Variants in PITPNC1 observed in about 807,000 individuals in gnomAD.
PITPNC1 encodes cytoplasmic phosphatidylinositol transfer protein 1.
PITPNC1 carries 18 observed loss-of-function variants against 44.7 expected under a neutral mutation model. That is an observed-to-expected ratio of 0.40 (90% CI 0.28 to 0.60). The LOEUF is 0.60. PITPNC1 is among the 20% of genes least tolerant of loss of function. The pLI is 0.39. For missense variants in PITPNC1, 290 were observed against 418.4 expected (o/e 0.69, Z 2.68); for synonymous variants, 141 against 149.6 (o/e 0.94, Z 0.42).
intron 4 of PITPNC1, among the ~76,000 whole-genome samples, chr17:67,570,655 G>A (rs2041041573): frequency 6.6e-6 from 1 of 152,134 alleles, no homozygotes; most frequent in African/African-American, 2.4e-5. Context: ...GGTTGCAATT[G>A]TCTCCATTTG....
At chr17:67,687,867 C>T (rs1471709781) in intron 8 of PITPNC1, among the ~76,000 whole-genome samples, 1 of 151,862 alleles carries the variant, frequency 6.6e-6, no homozygotes. Flanking sequence ...TTTTAAGTAT[C>T]GTAATCTCTC....
At chr17:67,405,860 G>A (rs1475687813) in intron 1 of PITPNC1, among the ~76,000 whole-genome samples, 1 of 152,024 alleles carries the variant, frequency 6.6e-6, no homozygotes. Flanking sequence ...TCCCGCCTTG[G>A]CCTCCCAAAG....
chr17:67,549,802 G>A (rs767708008), intron 2 of PITPNC1, among the ~76,000 whole-genome samples: 10 of 152,126 alleles, frequency 6.6e-5, no homozygotes, highest in Non-Finnish European at 1.2e-4. Context: ...CTTTAATACC[G>A]TAGGGAGACA....
chr17:67,607,566 G>A (rs1388193941), intron 5 of PITPNC1, among the ~76,000 whole-genome samples: 1 of 152,172 alleles, frequency 6.6e-6, no homozygotes. Flanking sequence ...CTACAGAGAA[G>A]TTTGTAAGAA....
intron 6 of PITPNC1, among the ~76,000 whole-genome samples, chr17:67,654,107 A>G (rs2042237843): frequency 6.6e-6 from 1 of 152,200 alleles, no homozygotes; most frequent in Non-Finnish European, 1.5e-5. Context: ...CACTTGGAAC[A>G]GAGTGTTCCT....
rs182514198 is a variant in PITPNC1, at chr17:67,571,964, C to T, written c.295-6222C>T. On this transcript the variant is annotated intron_variant, in intron 4 of 8. Transcript: ENST00000581322. ...AGGATGTGTGCACCAGTGGCTGGGACTCTGGAGGCCATCTCAGAATTCTGT... is the reference window on the plus strand; with the variant it reads ...AGGATGTGTGCACCAGTGGCTGGGATTCTGGAGGCCATCTCAGAATTCTGT... Among the ~76,000 whole-genome samples, 271 of 152,326 alleles carry T rather than the reference C, an allele frequency of 1.8e-3. 1 individual carries two copies. The highest frequency in any genetic ancestry group is 2.9e-3 in the Non-Finnish European group (199 of 68,020).
chr17:67,690,464 GA>G (rs909027796), intron 8 of PITPNC1, among the ~76,000 whole-genome samples: 1 of 113,178 alleles, frequency 8.8e-6, no homozygotes, highest in African/African-American at 3.0e-5. Context: ...AAAAAAAAAA[GA>G]AAAAGAAAAG....
intron 6 of PITPNC1, among the ~76,000 whole-genome samples, chr17:67,634,910 G>A (rs1233687440): frequency 2.0e-5 from 3 of 152,048 alleles, no homozygotes; most frequent in South Asian, 2.1e-4. Flanking sequence ...AAAATTGCCC[G>A]GGCATGGTGG....
At chr17:67,434,833 G>A (rs1241633983) in intron 1 of PITPNC1, among the ~76,000 whole-genome samples, 2 of 150,450 alleles carry the variant, frequency 1.3e-5, no homozygotes, top group African/African-American at 4.9e-5. Flanking sequence ...AAAAGGCCAG[G>A]CTAGGTGGCT....
intron 1 of PITPNC1, among the ~76,000 whole-genome samples, chr17:67,396,177 T>A (rs2038217268): frequency 6.6e-6 from 1 of 152,144 alleles, no homozygotes; most frequent in Non-Finnish European, 1.5e-5. Context: ...TTAAGGTAAT[T>A]AGGCTATTAG....
At chr17:67,668,524 A>G (rs1288836567) in intron 6 of PITPNC1, among the ~76,000 whole-genome samples, 1 of 151,884 alleles carries the variant, frequency 6.6e-6, no homozygotes, top group East Asian at 1.9e-4. Flanking sequence ...GAAGTTGGAG[A>G]CCAGCCTGGG....
chr17:67,609,284 CTT>C (rs1285540359), intron 5 of PITPNC1, among the ~76,000 whole-genome samples: 7 of 133,238 alleles, frequency 5.3e-5, no homozygotes, highest in African/African-American at 1.5e-4. Context: ...TCTTCTTCTT[CTT>C]CCTTTTTTTT....
At chr17:67,447,089 C>CAAAAAAAAAAAAAA (rs749024248) in intron 1 of PITPNC1, among the ~76,000 whole-genome samples, 1 of 35,324 alleles carries the variant, frequency 2.8e-5, no homozygotes, top group African/African-American at 1.0e-4. Context: ...GACTCTGTCT[C>CAAAAAAAAAAAAAA]AAAAAAAAAA....
intron 5 of PITPNC1, among the ~76,000 whole-genome samples, chr17:67,596,088 G>C (rs2041456308): frequency 6.6e-6 from 1 of 152,120 alleles, no homozygotes; most frequent in Non-Finnish European, 1.5e-5. Context: ...CATGAGATTG[G>C]GTTTGTTATG....
intron 1 of PITPNC1, among the ~76,000 whole-genome samples, chr17:67,442,204 C>CAT (rs10526037): frequency 0.065 from 3,471 of 53,396 alleles, 246 homozygotes; most frequent in East Asian, 0.095. Flanking sequence ...GGAAAATAAG[C>CAT]ATATATATAT....
chr17:67,654,944 A>G (rs2042247143), intron 6 of PITPNC1, among the ~76,000 whole-genome samples: 2 of 152,026 alleles, frequency 1.3e-5, no homozygotes, highest in African/African-American at 4.8e-5. Flanking sequence ...GGAGTTCTTA[A>G]CACCATTCTA....
intron 5 of PITPNC1, among the ~76,000 whole-genome samples, chr17:67,596,441 T>C (rs2041460926): frequency 6.6e-6 from 1 of 152,322 alleles, no homozygotes; most frequent in Middle Eastern, 3.4e-3. Flanking sequence ...CATTCTGCTT[T>C]GGCTAAGAGT....
chr17:67,664,643 C>A (rs1389639641), intron 6 of PITPNC1, among the ~76,000 whole-genome samples: 1 of 152,126 alleles, frequency 6.6e-6, no homozygotes, highest in Non-Finnish European at 1.5e-5. Flanking sequence ...GTGGCTTACG[C>A]CTGTAATGCC....
intron 2 of PITPNC1, among the ~76,000 whole-genome samples, chr17:67,539,518 C>A (rs12936314): frequency 6.6e-6 from 1 of 152,170 alleles, no homozygotes; most frequent in Non-Finnish European, 1.5e-5. Flanking sequence ...AAATGCACAT[C>A]GTAACGTGCA....
Sources: gnomAD v4.1 joint callset for allele counts (sites outside exome capture counted in the v4.1 genomes callset) on GRCh38, gnomAD v4.1.1 for gene constraint, MANE v1.5 for transcripts, NCBI Gene and HGNC (gene_info 2026-07-23, HGNC 2026-07-21) for gene names.